Variants in CSMD1 observed in about 807,000 individuals in gnomAD.
CSMD1 encodes CUB and Sushi multiple domains 1, also known as CUB and sushi domain-containing protein 1.
CSMD1 carries 213 observed loss-of-function variants against 417.5 expected under a neutral mutation model. The observed-to-expected ratio is 0.51, with a 90% CI of 0.46 to 0.57. The LOEUF is 0.57. Among genes scored for constraint, CSMD1 ranks in the 20% least tolerant of loss-of-function variants. The pLI is 0.00. For missense variants in CSMD1, 6,923 were observed against 4,529.7 expected (o/e 1.53, Z -15.17); for synonymous variants, 2,862 against 1,736.8 (o/e 1.65, Z -16.11).
chr8:4,964,383 G>A (rs748246410), intron 1 of CSMD1, among the ~76,000 whole-genome samples: 2 of 151,568 alleles, frequency 1.3e-5, no homozygotes, highest in African/African-American at 4.9e-5. Context: ...GCCGGGTCTA[G>A]TGGCATGCAC....
intron 3 of CSMD1, among the ~76,000 whole-genome samples, chr8:4,202,321 G>A (rs1013595870): frequency 6.6e-6 from 1 of 152,130 alleles, no homozygotes; most frequent in Non-Finnish European, 1.5e-5. Context: ...TGCTTTTCAA[G>A]AGCTCACTTA....
intron 3 of CSMD1, among the ~76,000 whole-genome samples, chr8:4,333,325 G>A (rs528708736): frequency 1.7e-3 from 261 of 152,178 alleles, no homozygotes; most frequent in Admixed American, 5.2e-3. Context: ...ATCTAGATCC[G>A]AGAGAGATGA....
At chr8:3,705,232 G>A (rs1444324798) in intron 7 of CSMD1, among the ~76,000 whole-genome samples, 2 of 152,198 alleles carry the variant, frequency 1.3e-5, no homozygotes, top group African/African-American at 2.4e-5. Context: ...ACAAGTTGGT[G>A]CTGAAATCCA....
intron 3 of CSMD1, among the ~76,000 whole-genome samples, chr8:4,173,804 C>T (rs2680613): frequency 1.3e-5 from 2 of 152,032 alleles, no homozygotes; most frequent in African/African-American, 2.4e-5. Context: ...TGGTGAGGTG[C>T]GCTTGAGGAA....
intron 2 of CSMD1, among the ~76,000 whole-genome samples, chr8:4,453,182 AAC>A (rs1234880347): frequency 2.5e-4 from 37 of 148,178 alleles, no homozygotes; most frequent in Admixed American, 8.2e-4. Context: ...CCTCCATCCC[AAC>A]ACACAGACAC....
chr8:3,985,758 T>TTTC (rs1491022712), intron 5 of CSMD1, among the ~76,000 whole-genome samples: 198 of 5,002 alleles, frequency 0.04, no homozygotes, highest in Middle Eastern at 0.25. Flanking sequence ...TTAAAGTGAT[T>TTTC]TTTTTTTTTT....
intron 54 of CSMD1, among the ~76,000 whole-genome samples, chr8:2,997,612 T>A (rs1807022508): frequency 6.6e-6 from 1 of 152,102 alleles, no homozygotes; most frequent in African/African-American, 2.4e-5. Context: ...TGTGACTACG[T>A]TTAAAGAAAT....
chr8:3,274,223 T>C (rs943020700), intron 26 of CSMD1, among the ~76,000 whole-genome samples: 13 of 151,862 alleles, frequency 8.6e-5, no homozygotes, highest in African/African-American at 2.9e-4. Flanking sequence ...TCAGTTTCCA[T>C]GTAGTTGAGC....
chr8:3,680,270 C>G (rs1799581494), intron 7 of CSMD1, among the ~76,000 whole-genome samples: 1 of 152,120 alleles, frequency 6.6e-6, no homozygotes, highest in South Asian at 2.1e-4. Flanking sequence ...AAAAGATCAA[C>G]AAAATTGATA....
At chr8:4,857,832 G>C (rs964482870) in intron 1 of CSMD1, among the ~76,000 whole-genome samples, 1 of 151,856 alleles carries the variant, frequency 6.6e-6, no homozygotes, top group Non-Finnish European at 1.5e-5. Flanking sequence ...TTCCACCAGA[G>C]GTACAAGGAG....
chr8:4,423,917 A>G (rs936419794), intron 2 of CSMD1, among the ~76,000 whole-genome samples: 2 of 152,198 alleles, frequency 1.3e-5, no homozygotes, highest in African/African-American at 4.8e-5. Context: ...AATAAACCTG[A>G]ACAAATATCT....
chr8:2,940,303 A>G (rs1056344681), intron 69 of CSMD1, among the ~76,000 whole-genome samples: 1 of 152,126 alleles, frequency 6.6e-6, no homozygotes, highest in Non-Finnish European at 1.5e-5. Context: ...TAGAGAACTA[A>G]AAGACCCAAT....
intron 3 of CSMD1, among the ~76,000 whole-genome samples, chr8:4,119,466 G>A (rs541138529): frequency 3.2e-4 from 48 of 152,248 alleles, no homozygotes; most frequent in African/African-American, 1.1e-3. Context: ...GTGTCAGCCC[G>A]AAAACCCATT....
At chr8:4,578,222 G>A (rs977842360) in intron 2 of CSMD1, among the ~76,000 whole-genome samples, 3 of 151,692 alleles carry the variant, frequency 2.0e-5, no homozygotes, top group Non-Finnish European at 2.9e-5. Context: ...GTGCAGTGGC[G>A]TGATCTCGGC....
In CSMD1 at chr8:4,716,349, G is replaced by A. The variant is rs139443394; in HGVS notation, c.86-78791C>T. The stretch of plus-strand genomic sequence containing the variant: ...AAATGTCTTCTTCAAGAGAAAACAG[G>A]CATGACATCAAGTGACTGATCACTG... On this transcript the variant is annotated intron_variant, in intron 1 of 69. Transcript: ENST00000635120. Among the ~76,000 whole-genome samples, 251 of 152,284 alleles carry A rather than the reference G, an allele frequency of 1.6e-3. 3 individuals are homozygous for A. The highest frequency in any genetic ancestry group is 0.014 in the Admixed American group (211 of 15,302).
intron 1 of CSMD1, among the ~76,000 whole-genome samples, chr8:4,761,792 G>A (rs1388951640): frequency 6.6e-6 from 1 of 151,826 alleles, no homozygotes; most frequent in Admixed American, 6.6e-5. Flanking sequence ...TCTTAATATT[G>A]TGAATAAACC....
intron 50 of CSMD1, among the ~76,000 whole-genome samples, chr8:3,037,425 G>C (rs1330845579): frequency 2.6e-5 from 4 of 151,846 alleles, no homozygotes; most frequent in African/African-American, 7.3e-5. Context: ...AGCCAGGGTG[G>C]TCTGGATCTT....
At chr8:3,013,965 C>T (rs985142416) in intron 52 of CSMD1, among the ~76,000 whole-genome samples, 1 of 152,104 alleles carries the variant, frequency 6.6e-6, no homozygotes, top group African/African-American at 2.4e-5. Flanking sequence ...ACATATGAGC[C>T]TGCTCTTACC....
At chr8:3,060,612 C>G (rs1037525008) in intron 49 of CSMD1, among the ~76,000 whole-genome samples, 2 of 152,202 alleles carry the variant, frequency 1.3e-5, no homozygotes, top group African/African-American at 4.8e-5. Context: ...ATTTCAGAGA[C>G]TTAAATTCAT....
Sources: gnomAD v4.1 joint callset for allele counts (sites outside exome capture counted in the v4.1 genomes callset) on GRCh38, gnomAD v4.1.1 for gene constraint, MANE v1.5 for transcripts, NCBI Gene and HGNC (gene_info 2026-07-23, HGNC 2026-07-21) for gene names.